C1orf141: variants seen among roughly 807,000 people sequenced by gnomAD.
The protein encoded by C1orf141 is chromosome 1 open reading frame 141.
C1orf141 carries 19 observed loss-of-function variants against 23.2 expected under a neutral mutation model. That is an observed-to-expected ratio of 0.82 (90% CI 0.57 to 1.20). The LOEUF is 1.20. C1orf141 is among the 50% of genes most tolerant of loss of function. The probability of loss-of-function intolerance (pLI) is 0.00; values close to 1 mark genes in which losing one functional copy is unlikely to be tolerated. For missense variants in C1orf141, 469 were observed against 455.1 expected (o/e 1.03, Z -0.28); for synonymous variants, 153 against 154.6 (o/e 0.99, Z 0.08).
chr1:67,138,698 C>T (rs755038317), upstream of C1orf141, among the ~76,000 whole-genome samples: 16 of 152,166 alleles, frequency 1.1e-4, no homozygotes, highest in Non-Finnish European at 1.6e-4. Flanking sequence ...ACCCATGGTA[C>T]AGAAAGTGAC....
intron 5 of C1orf141, among the ~76,000 whole-genome samples, chr1:67,101,449 A>AGC (rs147291198): frequency 1.5e-5 from 2 of 135,380 alleles, no homozygotes. Flanking sequence ...TGAATGTAAG[A>AGC]GTGTGTGTGT....
chr1:67,112,634 G>A (rs1488144328), intron 5 of C1orf141, among the ~76,000 whole-genome samples: 4 of 152,118 alleles, frequency 2.6e-5, no homozygotes, highest in Non-Finnish European at 5.9e-5. Context: ...CAGGGAGGTC[G>A]AAGCTGCAGT....
At chr1:67,111,634 T>C in intron 5 of C1orf141, 2 of 1,385,988 alleles carry the variant, frequency 1.4e-6, no homozygotes, top group Non-Finnish European at 1.9e-6. Context: ...TTAGATGTTC[T>C]TCTACTGGCT....
intron 2 of C1orf141, 94 bp from the exon 3 acceptor site, chr1:67,127,351 G>A: frequency 1.5e-6 from 1 of 677,128 alleles, no homozygotes; most frequent in East Asian, 2.6e-5. Context: ...TTACATTACT[G>A]TTTTAGGTAA....
chr1:67,113,261 T>C (rs2102461364), intron 5 of C1orf141, among the ~76,000 whole-genome samples: 1 of 152,232 alleles, frequency 6.6e-6, no homozygotes, highest in East Asian at 1.9e-4. Context: ...ATTACAGGTG[T>C]GAACCACCCT....
At position 67,109,326 on chromosome 1, in the gene C1orf141, C is replaced by CA. The variant is rs58157985; in HGVS notation, c.346+6025dup. On this transcript the variant is annotated intron_variant, in intron 5 of 7. Coordinates refer to ENST00000684719, the MANE Select transcript of C1orf141 (RefSeq NM_001276351.2). The stretch of plus-strand genomic sequence containing the variant: ...TGGGCGACAGAGCGAGACTCCGTCT[C>CA]AAAAAAAAAAAAAAAAAAAAAAAAA... Among the ~76,000 whole-genome samples, 455 of 83,396 alleles carry CA rather than the reference C, an allele frequency of 5.5e-3. 20 individuals carry two copies. The highest frequency in any genetic ancestry group is 0.016 in the African/African-American group (315 of 20,294). 54.7% of individuals were successfully genotyped at this position (83,396 alleles called of 152,430 possible).
intron 4 of C1orf141, among the ~76,000 whole-genome samples, chr1:67,121,142 G>A (rs1484395461): frequency 6.6e-6 from 1 of 152,152 alleles, no homozygotes; most frequent in Non-Finnish European, 1.5e-5. Flanking sequence ...CCATACAGGA[G>A]GATGTGCTGG....
intron 1 of C1orf141, among the ~76,000 whole-genome samples, chr1:67,141,075 A>G (rs1390737503): frequency 3.9e-5 from 6 of 152,206 alleles, no homozygotes; most frequent in Non-Finnish European, 8.8e-5. Flanking sequence ...ATGAAGAAAT[A>G]CGTAATAACA....
chr1:67,092,718 CAGAGTTTAGTATAGGAAGGCTGA>C lies in C1orf141; in HGVS notation c.*264_*286del. ...GACTATGCCTTTCTTGGTCCTGAAT[CAGAGTTTAGTATAGGAAGGCTGA>C]TGATTGAGCAATCTAATTGAGATAA... On this transcript the variant is annotated 3_prime_UTR_variant, in exon 8 of 8. Transcript: ENST00000684719. 5.0e-6 allele frequency: 1 copy of C among 200,274 alleles called. No homozygotes were observed. The allele number at this position is 200,274 out of a possible 1,614,324, so 12.4% of individuals were successfully genotyped here.
chr1:67,114,969 C>T (rs990673040), intron 5 of C1orf141, among the ~76,000 whole-genome samples: 8 of 152,224 alleles, frequency 5.3e-5, no homozygotes, highest in African/African-American at 4.8e-5. Context: ...AGCCAGCGTG[C>T]CCACCCAGCC....
intron 5 of C1orf141, chr1:67,111,452 T>A (rs528731884): frequency 2.2e-6 from 1 of 451,650 alleles, no homozygotes; most frequent in African/African-American, 2.0e-5. Flanking sequence ...GAAATCACTT[T>A]AACATTTTAT....
At position 67,125,751 on chromosome 1, in the gene C1orf141, C is replaced by A; in HGVS notation, c.233+1G>T. On this transcript the variant is annotated splice_donor_variant, in intron 4 of 7. Coordinates refer to ENST00000684719, the MANE Select transcript of C1orf141 (RefSeq NM_001276351.2). LOFTEE classifies it high-confidence loss of function. Reference sequence around the variant, plus strand: ...AAATTTAAGGTGGTTATGATAGTTACATTTTTGATTTTGTAATGCTGCATG... The same window carrying A: ...AAATTTAAGGTGGTTATGATAGTTAAATTTTTGATTTTGTAATGCTGCATG... 6.2e-7 allele frequency: 1 copy of A among 1,613,252 alleles called. No homozygotes were observed. The highest frequency in any genetic ancestry group is 8.5e-7 in the Non-Finnish European group (1 of 1,179,304).
At chr1:67,093,630 A>G in intron 7 of C1orf141, 26 bp from the exon 8 acceptor site, 5 of 1,496,582 alleles carry the variant, frequency 3.3e-6, no homozygotes, top group Non-Finnish European at 3.6e-6. Context: ...AAGAATAATT[A>G]GTCATAAGTT....
upstream of C1orf141, among the ~76,000 whole-genome samples, chr1:67,139,365 A>G (rs1646613275): frequency 6.6e-6 from 1 of 152,214 alleles, no homozygotes; most frequent in South Asian, 2.1e-4. Context: ...CCTAGCAAAA[A>G]GCAGGTACAT....
upstream of C1orf141, among the ~76,000 whole-genome samples, chr1:67,135,904 T>C (rs1332227528): frequency 2.2e-4 from 1 of 4,460 alleles, no homozygotes; most frequent in South Asian, 7.4e-3. Flanking sequence ...ATGGCAAAAC[T>C]GCAAAAAAAA....
intron 5 of C1orf141, among the ~76,000 whole-genome samples, chr1:67,098,777 C>A (rs1166479745): frequency 6.6e-6 from 1 of 151,962 alleles, no homozygotes; most frequent in Non-Finnish European, 1.5e-5. Flanking sequence ...AAAAAATACT[C>A]ACATTAGAGA....
At chr1:67,109,499 G>C (rs995905035) in intron 5 of C1orf141, among the ~76,000 whole-genome samples, 1 of 152,060 alleles carries the variant, frequency 6.6e-6, no homozygotes, top group Non-Finnish European at 1.5e-5. Context: ...CAAGAACATT[G>C]GAATGGATTA....
Position 67,125,927 on chromosome 1 carries a change from T to TTA in C1orf141, c.76-19_76-18insTA. Reference sequence around the variant, plus strand: ...CTGTTTATCTGCAGCAATGCCAAAGTGAAAAAAAAAAAAAAAAAAAGAGTA... The same window carrying TTA: ...CTGTTTATCTGCAGCAATGCCAAAGTTAGAAAAAAAAAAAAAAAAAAAGAGTA... On this transcript the variant is annotated intron_variant, in intron 3 of 7. Coordinates refer to ENST00000684719, the MANE Select transcript of C1orf141 (RefSeq NM_001276351.2). The TTA allele has an allele frequency of 1.6e-5, 18 of 1,112,018 alleles. No individual in the cohort carries two copies. The highest frequency in any genetic ancestry group is 1.9e-5 in the Non-Finnish European group (17 of 909,694). 68.9% of individuals were successfully genotyped at this position (1,112,018 alleles called of 1,614,324 possible). A position where few individuals can be genotyped will look rare whatever the true frequency, so the allele number is the denominator to read the frequency against.
At position 67,131,840 on chromosome 1, in the gene C1orf141, G is replaced by A. The variant is rs367836764; in HGVS notation, c.-103-613C>T. ...AGTCTCGCAGTCTAGGCTGGAGTGC[G>A]GTGGCACAATCTTGGCTCACTGCAA... On this transcript the variant is annotated intron_variant, in intron 1 of 7. Transcript: ENST00000684719. Among the ~76,000 whole-genome samples, 58 of 145,780 alleles carry A rather than the reference G, an allele frequency of 4.0e-4. 2 individuals carry two copies. In the South Asian group the frequency reaches 1.0e-2, roughly 25 times the overall value.
Sources: gnomAD v4.1 joint callset for allele counts (sites outside exome capture counted in the v4.1 genomes callset) on GRCh38, gnomAD v4.1.1 for gene constraint, MANE v1.5 for transcripts, NCBI Gene and HGNC (gene_info 2026-07-23, HGNC 2026-07-21) for gene names.